Variants in ROBO1 observed in about 807,000 individuals in gnomAD.
ROBO1 encodes roundabout guidance receptor 1, also known as roundabout homolog 1.
A neutral mutation model predicts 195.9 loss-of-function variants in ROBO1; 149 were observed. That is an observed-to-expected ratio of 0.76 (90% confidence interval 0.67 to 0.87). ROBO1 has a LOEUF of 0.87. ROBO1 is among the 40% of genes least tolerant of loss of function. The pLI is 0.00. For synonymous variants in ROBO1, 816 were observed against 733.2 expected (o/e 1.11, Z -1.82); for missense variants, 1,933 against 2,068.3 (o/e 0.93, Z 1.27).
chr3:79,109,897 A>G (rs2108529901), intron 3 of ROBO1, among the ~76,000 whole-genome samples: 2 of 152,252 alleles, frequency 1.3e-5, no homozygotes, highest in South Asian at 4.1e-4. Flanking sequence ...TAAAGGCTAC[A>G]TAAGTAACTA....
At chr3:79,273,534 C>T (rs934354886) in intron 2 of ROBO1, among the ~76,000 whole-genome samples, 22 of 151,582 alleles carry the variant, frequency 1.5e-4, no homozygotes, top group African/African-American at 5.1e-4. Context: ...AAATGAAAGG[C>T]AAAAAGTTAA....
chr3:79,213,609 AG>A lies in ROBO1; in HGVS notation c.89-88071del, dbSNP rs1051855608. Among the ~76,000 whole-genome samples the A allele has an allele frequency of 7.9e-5, 12 of 152,124 alleles. 1 individual carries two copies. Among genetic ancestry groups the A allele is most frequent in the Non-Finnish European group, 1.5e-5 (1 of 68,034 alleles). On this transcript the variant is annotated intron_variant, in intron 2 of 30. Coordinates refer to ENST00000464233, the MANE Select transcript of ROBO1 (RefSeq NM_002941.4). ...GCTGGCTGTGAAGACCTGACAAGAAAGCTTTACATTTTTCTGATGCCTTCAG... is the reference window on the plus strand; with the variant it reads ...GCTGGCTGTGAAGACCTGACAAGAAACTTTACATTTTTCTGATGCCTTCAG...
chr3:79,165,956 T>C (rs894760561), intron 2 of ROBO1, among the ~76,000 whole-genome samples: 11 of 152,230 alleles, frequency 7.2e-5, no homozygotes, highest in Non-Finnish European at 1.3e-4. Flanking sequence ...GCTTCCCTGA[T>C]GGAAGAATAA....
At chr3:79,638,580 T>G (rs1334772366) in intron 1 of ROBO1, among the ~76,000 whole-genome samples, 2 of 152,044 alleles carry the variant, frequency 1.3e-5, no homozygotes, top group Non-Finnish European at 2.9e-5. Context: ...GTGCCCAGCC[T>G]TAATGGTCTG....
chr3:79,501,223 A>G (rs6548621), intron 2 of ROBO1, among the ~76,000 whole-genome samples: 99,694 of 152,038 alleles, frequency 0.66, 33,657 homozygotes, highest in African/African-American at 0.83. Flanking sequence ...GAGATGTAGT[A>G]ACAGAGAATG....
intron 2 of ROBO1, among the ~76,000 whole-genome samples, chr3:79,158,637 T>C (rs1402259266): frequency 2.6e-5 from 4 of 151,756 alleles, no homozygotes; most frequent in Non-Finnish European, 1.5e-5. Flanking sequence ...AAGCAAGGGT[T>C]AGCTTAATTT....
At chr3:79,736,341 AG>A (rs938139643) in intron 1 of ROBO1, among the ~76,000 whole-genome samples, 2 of 152,228 alleles carry the variant, frequency 1.3e-5, no homozygotes, top group African/African-American at 4.8e-5. Context: ...TTGAAGTCTC[AG>A]GGGCAATGGT....
chr3:79,657,656 T>C (rs936158543), intron 1 of ROBO1, among the ~76,000 whole-genome samples: 4 of 152,118 alleles, frequency 2.6e-5, no homozygotes, highest in Non-Finnish European at 5.9e-5. Context: ...TAGATTTATA[T>C]ATGAAAACGT....
chr3:79,214,633 G>A (rs1051959224), intron 2 of ROBO1, among the ~76,000 whole-genome samples: 6 of 151,792 alleles, frequency 4.0e-5, no homozygotes, highest in Non-Finnish European at 7.4e-5. Context: ...AAAACACTTA[G>A]GAGGTGGTTC....
chr3:79,412,869 A>C (rs1427798815), intron 2 of ROBO1, among the ~76,000 whole-genome samples: 1 of 78,274 alleles, frequency 1.3e-5, no homozygotes, highest in Non-Finnish European at 2.5e-5. Context: ...TTGCCTCATG[A>C]GCTGATTTTT....
chr3:79,678,026 A>G (rs1468782269), intron 1 of ROBO1, among the ~76,000 whole-genome samples: 10 of 152,256 alleles, frequency 6.6e-5, no homozygotes, highest in Non-Finnish European at 5.9e-5. Context: ...CAACATATTC[A>G]TATTAAGAAT....
chr3:79,575,584 T>TA (rs1943459828), intron 2 of ROBO1, among the ~76,000 whole-genome samples: 3 of 142,056 alleles, frequency 2.1e-5, no homozygotes, highest in African/African-American at 7.8e-5. Flanking sequence ...ATAACAAATT[T>TA]TATATATATA....
chr3:79,703,046 T>C (rs139334122), intron 1 of ROBO1, among the ~76,000 whole-genome samples: 14 of 151,864 alleles, frequency 9.2e-5, no homozygotes, highest in Non-Finnish European at 1.3e-4. Context: ...AACCTTAGCA[T>C]TGGCATCAAG....
chr3:79,306,451 G>A (rs1576951939), intron 2 of ROBO1, among the ~76,000 whole-genome samples: 1 of 152,044 alleles, frequency 6.6e-6, no homozygotes, highest in East Asian at 1.9e-4. Flanking sequence ...ATTAAAATTG[G>A]GCGCTCTCTC....
chr3:79,172,039 G>A (rs2081177792), intron 2 of ROBO1, among the ~76,000 whole-genome samples: 1 of 151,902 alleles, frequency 6.6e-6, no homozygotes, highest in South Asian at 2.1e-4. Context: ...CAAAAGTAGA[G>A]GCATAAAAAT....
intron 1 of ROBO1, among the ~76,000 whole-genome samples, chr3:79,612,606 C>A (rs1180811485): frequency 6.7e-6 from 1 of 148,800 alleles, no homozygotes; most frequent in African/African-American, 2.5e-5. Context: ...AATCGCCACA[C>A]TGACTTCCAC....
At chr3:79,421,086 C>A (rs774348598) in intron 2 of ROBO1, among the ~76,000 whole-genome samples, 22 of 152,002 alleles carry the variant, frequency 1.4e-4, no homozygotes, top group Non-Finnish European at 2.8e-4. Flanking sequence ...ATGGATGGAT[C>A]TGGAAGCTAT....
chr3:78,636,242 A>G, intron 22 of ROBO1, 134 bp from the exon 23 acceptor site: 1 of 582,880 alleles, frequency 1.7e-6, no homozygotes, highest in African/African-American at 1.9e-5. Flanking sequence ...AGATCAATAA[A>G]AACGGCCAAA....
intron 2 of ROBO1, among the ~76,000 whole-genome samples, chr3:79,377,519 A>C (rs2109358080): frequency 6.6e-6 from 1 of 152,318 alleles, no homozygotes; most frequent in Middle Eastern, 3.4e-3. Flanking sequence ...ACTTACCATT[A>C]ATAGAATTGC....
Sources: allele counts gnomAD v4.1 joint callset (sites outside exome capture counted in the v4.1 genomes callset), GRCh38; gene constraint gnomAD v4.1.1; transcripts MANE v1.5; gene names NCBI Gene and HGNC (gene_info 2026-07-23, HGNC 2026-07-21).